Variants in TEX9 observed in about 807,000 individuals in gnomAD.
TEX9 encodes testis-expressed protein 9.
In TEX9, 74 loss-of-function variants were observed where a neutral mutation model predicts 59.6. The ratio of observed to expected loss-of-function variants is 1.24; its 90% CI spans 1.03 to 1.51. TEX9 has a LOEUF of 1.51. Among genes scored for constraint, TEX9 ranks in the 40% most tolerant of loss-of-function variants. The pLI is 0.00. For synonymous variants in TEX9, 186 were observed against 152.2 expected (o/e 1.22, Z -1.64); for missense variants, 522 against 447.8 (o/e 1.17, Z -1.49).
chr15:56,394,198 A>G (rs1465186810), exon 8 of TEX9: 3 of 1,609,214 alleles, frequency 1.9e-6, no homozygotes, highest in Non-Finnish European at 2.5e-6. Context: ...GCCAAACTCC[A>G]TGTTATGCAG....
chr15:56,265,183 A>G (rs1458210521), intron 1 of TEX9, among the ~76,000 whole-genome samples: 2 of 146,676 alleles, frequency 1.4e-5, no homozygotes, highest in Admixed American at 6.8e-5. Context: ...TTTTTTTAAC[A>G]GGGTCTCACT....
chr15:56,370,369 T>C (rs2047142271), intron 2 of TEX9, among the ~76,000 whole-genome samples: 1 of 152,212 alleles, frequency 6.6e-6, no homozygotes, highest in Admixed American at 6.5e-5. Context: ...TTTTCAGATA[T>C]CTTCATAATT....
intron 3 of TEX9, among the ~76,000 whole-genome samples, chr15:56,382,785 A>C (rs1454730296): frequency 6.6e-6 from 1 of 151,994 alleles, no homozygotes; most frequent in African/African-American, 2.4e-5. Context: ...CCTCTCCTTA[A>C]ACAGAAGGAA....
upstream of TEX9, chr15:56,365,345 C>T (rs551596451): frequency 1.4e-6 from 2 of 1,442,522 alleles, no homozygotes; most frequent in African/African-American, 1.4e-5. Flanking sequence ...AGCACAGAAC[C>T]TGAGAGTGGG....
chr15:56,252,032 G>C (rs369637657), intron 1 of TEX9, among the ~76,000 whole-genome samples: 1 of 152,106 alleles, frequency 6.6e-6, no homozygotes, highest in East Asian at 1.9e-4. Context: ...TACACATAAA[G>C]TTATGGTGTG....
At chr15:56,347,211 T>C (rs1435341071) in intron 1 of TEX9, among the ~76,000 whole-genome samples, 1 of 152,204 alleles carries the variant, frequency 6.6e-6, no homozygotes, top group African/African-American at 2.4e-5. Flanking sequence ...CAAGTTGTTT[T>C]GTGGATATAA....
intron 1 of TEX9, among the ~76,000 whole-genome samples, chr15:56,316,854 G>A (rs192393480): frequency 6.6e-6 from 1 of 152,226 alleles, no homozygotes; most frequent in East Asian, 1.9e-4. Context: ...ATCTCGTGGT[G>A]CATCGTTTTT....
chr15:56,281,406 A>T (rs2044816850), intron 1 of TEX9, among the ~76,000 whole-genome samples: 1 of 152,216 alleles, frequency 6.6e-6, no homozygotes, highest in Non-Finnish European at 1.5e-5. Context: ...CTCCTGTCTG[A>T]TCAGCCATGA....
At chr15:56,381,989 G>A (rs2047751226) in intron 3 of TEX9, among the ~76,000 whole-genome samples, 1 of 152,166 alleles carries the variant, frequency 6.6e-6, no homozygotes, top group Non-Finnish European at 1.5e-5. Context: ...ATGCTGTCTG[G>A]TAGTCAGAGA....
intron 1 of TEX9, among the ~76,000 whole-genome samples, chr15:56,266,554 C>T (rs1187108929): frequency 6.8e-6 from 1 of 147,388 alleles, no homozygotes; most frequent in Non-Finnish European, 1.5e-5. Context: ...TCAATTCCCA[C>T]CTATGAGTGA....
chr15:56,437,172 T>C (rs1177223957), intron 12 of TEX9, among the ~76,000 whole-genome samples: 7 of 152,224 alleles, frequency 4.6e-5, no homozygotes, highest in African/African-American at 1.4e-4. Flanking sequence ...AAAAAGAGAA[T>C]TTAAGACCAA....
At chr15:56,408,167 A>G (rs780209024) in intron 9 of TEX9, among the ~76,000 whole-genome samples, 1 of 152,136 alleles carries the variant, frequency 6.6e-6, no homozygotes, top group Non-Finnish European at 1.5e-5. Context: ...CAGTGTCTCT[A>G]TACCTCATGT....
rs182575472 is a variant in TEX9, at chr15:56,395,170, A to G, written c.828+336A>G. The G allele has an allele frequency of 2.2e-5, 6 of 277,872 alleles. No individual in the cohort carries two copies. In the East Asian group the frequency reaches 3.0e-4, roughly 14 times the overall value. 17.2% of individuals were successfully genotyped at this position (277,872 alleles called of 1,614,324 possible). On this transcript the variant is annotated intron_variant, in intron 9 of 12. Transcript: ENST00000352903. ...TACAGCCCTAGGCAACCACTATTCT[A>G]TTTTATGTCTCAATAAATTTGTCTA...
At chr15:56,449,998 C>T (rs1348808871), downstream of TEX9, among the ~76,000 whole-genome samples, 1 of 152,082 alleles carries the variant, frequency 6.6e-6, no homozygotes, top group Non-Finnish European at 1.5e-5. Flanking sequence ...TGGCACAGTT[C>T]TTGGCTTTAT....
chr15:56,394,691 G>A (rs1230017035), exon 9 of TEX9: 3 of 1,605,378 alleles, frequency 1.9e-6, no homozygotes, highest in Middle Eastern at 1.9e-4. Context: ...AAAGTCTCAA[G>A]TAAAAAATTT....
chr15:56,320,754 A>T (rs569476794), intron 1 of TEX9, among the ~76,000 whole-genome samples: 2 of 152,282 alleles, frequency 1.3e-5, no homozygotes, highest in African/African-American at 4.8e-5. Flanking sequence ...AGAGTAAAAA[A>T]TGTGCTATGA....
intron 1 of TEX9, among the ~76,000 whole-genome samples, chr15:56,284,662 T>C (rs2044902872): frequency 6.6e-6 from 1 of 152,166 alleles, no homozygotes; most frequent in Non-Finnish European, 1.5e-5. Flanking sequence ...TTTACCAGTA[T>C]TTCCAGTCCT....
intron 1 of TEX9, among the ~76,000 whole-genome samples, chr15:56,344,579 T>C (rs533510002): frequency 6.7e-4 from 102 of 152,190 alleles, no homozygotes; most frequent in Middle Eastern, 6.8e-3. Flanking sequence ...TGTTCTAAAA[T>C]TGATTGTGGT....
At chr15:56,293,033 G>C (rs1324725258) in intron 1 of TEX9, among the ~76,000 whole-genome samples, 1 of 152,172 alleles carries the variant, frequency 6.6e-6, no homozygotes, top group African/African-American at 2.4e-5. Context: ...AAGCGATCAT[G>C]ACTAAGACAT....
Sources: gnomAD v4.1 joint callset for allele counts (sites outside exome capture counted in the v4.1 genomes callset) on GRCh38, gnomAD v4.1.1 for gene constraint, MANE v1.5 for transcripts, NCBI Gene and HGNC (gene_info 2026-07-23, HGNC 2026-07-21) for gene names.